The following ECE1 variants were observed in gnomAD, a reference collection of about 807,000 sequenced individuals.
ECE1 encodes the protein endothelin converting enzyme 1.
In ECE1, 35 loss-of-function variants were observed where a neutral mutation model predicts 98.6. The observed-to-expected ratio is 0.35, with a 90% CI of 0.27 to 0.47. The LOEUF (loss-of-function observed/expected upper bound fraction) is 0.47. Among genes scored for constraint, ECE1 ranks in the 20% least tolerant of loss-of-function variants. ECE1 has a pLI of 1.00. For synonymous variants in ECE1, 394 were observed against 407.1 expected (o/e 0.97, Z 0.39); for missense variants, 814 against 1,025.3 (o/e 0.79, Z 2.81).
upstream of ECE1, among the ~76,000 whole-genome samples, chr1:21,295,225 G>A (rs562237282): frequency 8.1e-4 from 123 of 152,298 alleles, no homozygotes; most frequent in Admixed American, 2.6e-3. Context: ...TAGATAAAGT[G>A]CTTGGCTGGG....
At position 21,272,763 on chromosome 1, in the gene ECE1, G is replaced by A. The variant is rs1354879473; in HGVS notation, c.429C>T (p.His143=). Residue 143 remains histidine, a synonymous_variant, in exon 4 of 19, where the codon CAC becomes CAT. Coordinates refer to ENST00000374893, the MANE Select transcript of ECE1 (RefSeq NM_001397.3). ...GGTTGCTGAAGGTCCCCCAGCGTGA[G>A]TGGCCATCAGGGACTGGGTTGGCCT... The part of the protein sequence containing the change: ...WIKANPVPDG[H]SRWGTFSNLW... The A allele has an allele frequency of 1.2e-6, 2 of 1,614,266 alleles. No homozygotes were observed. The highest frequency in any genetic ancestry group is 3.3e-5 in the Admixed American group (2 of 60,036).
At chr1:21,317,957 C>G (rs1222643685) in intron 1 of ECE1, among the ~76,000 whole-genome samples, 1 of 152,228 alleles carries the variant, frequency 6.6e-6, no homozygotes, top group African/African-American at 2.4e-5. Context: ...TAAATCAGAG[C>G]CACCGCGATC....
chr1:21,262,552 C>T (rs2103299770), intron 4 of ECE1, among the ~76,000 whole-genome samples: 1 of 152,352 alleles, frequency 6.6e-6, no homozygotes, highest in Middle Eastern at 3.4e-3. Flanking sequence ...AGGGCCAGCG[C>T]TGGGGAAGGC....
intron 1 of ECE1, among the ~76,000 whole-genome samples, chr1:21,303,638 T>C (rs1236548759): frequency 6.6e-6 from 1 of 152,184 alleles, no homozygotes; most frequent in Admixed American, 6.5e-5. Flanking sequence ...CCTACGGCAC[T>C]AGGAATTTTG....
intron 7 of ECE1, among the ~76,000 whole-genome samples, chr1:21,257,144 C>G (rs2098220908): frequency 6.6e-6 from 1 of 152,316 alleles, no homozygotes; most frequent in East Asian, 1.9e-4. Context: ...GCCTGATACC[C>G]TCTTCTGTAA....
At chr1:21,288,236 C>T (rs1017550612) in intron 2 of ECE1, among the ~76,000 whole-genome samples, 1 of 152,180 alleles carries the variant, frequency 6.6e-6, no homozygotes, top group Non-Finnish European at 1.5e-5. Flanking sequence ...GCGACGTGAC[C>T]CCAGGAATGT....
chr1:21,294,823 G>C (rs1236300302), upstream of ECE1, among the ~76,000 whole-genome samples: 1 of 152,164 alleles, frequency 6.6e-6, no homozygotes, highest in South Asian at 2.1e-4. This position sits in a 1 kb window ranked among gnomAD's most constrained non-coding sequence, Gnocchi z 4.2. Flanking sequence ...TCTGAGGCCT[G>C]GGACTGAGCC....
intron 1 of ECE1, among the ~76,000 whole-genome samples, chr1:21,343,085 C>G (rs1281768826): frequency 6.6e-6 from 1 of 152,144 alleles, no homozygotes; most frequent in Non-Finnish European, 1.5e-5. Context: ...CCGGGACACC[C>G]CTTCCAGTTC....
At chr1:21,276,048 T>C (rs1296101892) in intron 3 of ECE1, among the ~76,000 whole-genome samples, 5 of 149,072 alleles carry the variant, frequency 3.4e-5, no homozygotes, top group African/African-American at 5.1e-5. Flanking sequence ...TTTTTTTTTT[T>C]TGAGACAGAG....
Position 21,220,265 on chromosome 1 carries a change from T to C in ECE1, c.2137-134A>G. 1 of 981,520 alleles carries C rather than the reference T, an allele frequency of 1.0e-6. No homozygotes were observed. The highest frequency in any genetic ancestry group is 1.8e-5 in the South Asian group (1 of 56,922). 60.8% of individuals were successfully genotyped at this position (981,520 alleles called of 1,614,324 possible). On this transcript the variant is annotated intron_variant, in intron 18 of 18. Transcript: ENST00000374893. This position sits in a 1 kb window ranked among gnomAD's most constrained non-coding sequence, Gnocchi z 5.0. ...AATCCCAGCACTTTGGGAGCCAAGG[T>C]GGAAGGGCTGCTTGAGCCCAGGAGT...
In ECE1 at chr1:21,247,230, G is replaced by C; in HGVS notation, c.1154C>G (p.Thr385Ser). 1 of 1,614,216 alleles carries C rather than the reference G, an allele frequency of 6.2e-7. No homozygotes were observed. Among genetic ancestry groups the C allele is most frequent in the Non-Finnish European group, 8.5e-7 (1 of 1,180,026 alleles). The change falls in exon 9 of 19, where the codon ACC becomes AGC. Residue 385 changes from threonine to serine, a missense_variant. By Grantham distance (58) the Thr-to-Ser change is moderately conservative (BLOSUM62 1). Transcript: ENST00000374893. ...CTGGGGGTCCTCTTACCATCTGTCG[G>C]TGGTGTTGATGAGAGTGGAGATCTG... The part of the protein sequence containing the change: ...LEQISTLINT[T>S]DRCLLNNYMI...
At position 21,225,220 on chromosome 1, in the gene ECE1, C is replaced by T. The variant is rs2098172402; in HGVS notation, c.2040+30G>A. ...CATCTGGAAGGAGCCAGCACTGGGA[C>T]CGTGCGCGTGTGGGGAGCGGGGCTC... On this transcript the variant is annotated intron_variant, in intron 17 of 18. Coordinates refer to ENST00000374893, the MANE Select transcript of ECE1 (RefSeq NM_001397.3). The surrounding 1 kb of genome is among the most constrained non-coding windows in gnomAD (Gnocchi z 5.3). 10 of 1,612,578 alleles carry T rather than the reference C, an allele frequency of 6.2e-6. No individual in the cohort carries two copies. The highest frequency in any genetic ancestry group is 8.5e-6 in the Non-Finnish European group (10 of 1,179,590).
chr1:21,316,414 G>A (rs1444563470), intron 1 of ECE1, among the ~76,000 whole-genome samples: 3 of 152,012 alleles, frequency 2.0e-5, no homozygotes, highest in Non-Finnish European at 4.4e-5. Context: ...GGTTACAGGC[G>A]TGCGCCACCA....
chr1:21,333,930 T>C (rs1639257745), intron 1 of ECE1, among the ~76,000 whole-genome samples: 1 of 152,108 alleles, frequency 6.6e-6, no homozygotes, highest in Non-Finnish European at 1.5e-5. Context: ...CAACCTGTCA[T>C]AAATTATCAA....
At chr1:21,329,816 G>C (rs186338194) in intron 1 of ECE1, among the ~76,000 whole-genome samples, 5 of 152,154 alleles carry the variant, frequency 3.3e-5, no homozygotes, top group African/African-American at 7.2e-5. Flanking sequence ...TTTGCAGAAG[G>C]GGGAGAGAGT....
chr1:21,288,804 G>T (rs1418763606), intron 2 of ECE1, among the ~76,000 whole-genome samples: 1 of 152,216 alleles, frequency 6.6e-6, no homozygotes, highest in Non-Finnish European at 1.5e-5. Flanking sequence ...GTCGCTCTCG[G>T]ATTTTTAGCT....
At chr1:21,304,893 G>A (rs1333864241) in intron 1 of ECE1, among the ~76,000 whole-genome samples, 2 of 152,186 alleles carry the variant, frequency 1.3e-5, no homozygotes, top group Admixed American at 1.3e-4. Context: ...CCTTTGTAGT[G>A]CTGAACATAC....
chr1:21,262,911 G>C (rs1022907983), intron 4 of ECE1, among the ~76,000 whole-genome samples: 1 of 152,222 alleles, frequency 6.6e-6, no homozygotes, highest in Non-Finnish European at 1.5e-5. Flanking sequence ...GGGTGTGGGG[G>C]ACAGTGGGCA....
At chr1:21,231,198 G>T (rs9287035) in intron 14 of ECE1, among the ~76,000 whole-genome samples, 18,140 of 152,128 alleles carry the variant, frequency 0.12, 2,371 homozygotes, top group African/African-American at 0.33. Context: ...ATAGTCATGA[G>T]GTATTTGGCA....
Sources: gnomAD v4.1 joint callset for allele counts (sites outside exome capture counted in the v4.1 genomes callset) on GRCh38, gnomAD v4.1.1 for gene constraint, Gnocchi (gnomAD v3.1) non-coding constraint, MANE v1.5 for transcripts, NCBI Gene and HGNC (gene_info 2026-07-23, HGNC 2026-07-21) for gene names.